THSD7A: variants seen among roughly 807,000 people sequenced by gnomAD.
THSD7A encodes thrombospondin type-1 domain-containing protein 7A.
Under a neutral mutation model 231.3 loss-of-function variants are expected in THSD7A, and 96 were observed. That is an observed-to-expected ratio of 0.41 (90% CI 0.35 to 0.49). THSD7A has a LOEUF of 0.49. Ranked by LOEUF, THSD7A falls within the 20% of genes least tolerant of loss-of-function variation. THSD7A has a pLI of 0.05. For missense variants in THSD7A, 2,290 were observed against 2,070.2 expected, an observed-to-expected ratio of 1.11 and a Z score of -2.06; for synonymous variants, 940 against 743.3, an observed-to-expected ratio of 1.26 and a Z score of -4.30.
intron 1 of THSD7A, among the ~76,000 whole-genome samples, chr7:11,738,813 C>T (rs1046581383): frequency 6.6e-6 from 1 of 151,952 alleles, no homozygotes; most frequent in African/African-American, 2.4e-5. Flanking sequence ...AATGTCTTTT[C>T]CTCCAGAGCT....
At chr7:11,752,930 G>GTCAA (rs59311662) in intron 1 of THSD7A, among the ~76,000 whole-genome samples, 13 of 150,742 alleles carry the variant, frequency 8.6e-5, no homozygotes, top group African/African-American at 2.9e-4. Context: ...CCCTGTCTCA[G>GTCAA]TCAATCAATC....
intron 23 of THSD7A, among the ~76,000 whole-genome samples, chr7:11,391,595 A>G (rs1329596721): frequency 7.7e-6 from 1 of 129,556 alleles, no homozygotes; most frequent in Non-Finnish European, 1.5e-5. Flanking sequence ...TTTCCAGGGC[A>G]GTGAATGGTT....
At chr7:11,655,746 C>A (rs1264063175) in intron 1 of THSD7A, among the ~76,000 whole-genome samples, 1 of 151,838 alleles carries the variant, frequency 6.6e-6, no homozygotes, top group Non-Finnish European at 1.5e-5. Context: ...TATGGTAAGT[C>A]TCACTCCAAA....
chr7:11,774,668 TATAACTCAATAAA>T (rs1317374743), intron 1 of THSD7A, among the ~76,000 whole-genome samples: 4 of 152,228 alleles, frequency 2.6e-5, no homozygotes, highest in African/African-American at 9.6e-5. Context: ...GTATGTCAAT[TATAACTCAATAAA>T]GTTGTTAAAA....
At chr7:11,439,615 G>A (rs1359611697) in intron 13 of THSD7A, among the ~76,000 whole-genome samples, 1 of 151,998 alleles carries the variant, frequency 6.6e-6, no homozygotes, top group Non-Finnish European at 1.5e-5. Flanking sequence ...TATTGCTGAT[G>A]TGCACAAAGT....
chr7:11,395,144 C>CA (rs56112219), intron 23 of THSD7A, among the ~76,000 whole-genome samples: 5,414 of 124,864 alleles, frequency 0.043, 198 homozygotes, highest in Admixed American at 0.099. Flanking sequence ...AAATGGAAAG[C>CA]AAAAAAAAAA....
intron 24 of THSD7A, 72 bp from the exon 25 acceptor site, chr7:11,379,784 C>G: frequency 6.8e-7 from 1 of 1,460,618 alleles, no homozygotes; most frequent in Non-Finnish European, 9.4e-7. Flanking sequence ...TGGTTAGTGA[C>G]TTGTCTTTGA....
intron 6 of THSD7A, among the ~76,000 whole-genome samples, chr7:11,526,756 C>T (rs936550376): frequency 6.6e-6 from 1 of 152,154 alleles, no homozygotes; most frequent in Non-Finnish European, 1.5e-5. Context: ...CCTTTGCCTT[C>T]CACCATGATT....
At chr7:11,599,068 C>G (rs1372828766) in intron 2 of THSD7A, among the ~76,000 whole-genome samples, 1 of 152,046 alleles carries the variant, frequency 6.6e-6, no homozygotes. Context: ...ACAGGAGATC[C>G]ATTAGGGCGT....
At chr7:11,413,087 A>G (rs1442796743) in intron 17 of THSD7A, among the ~76,000 whole-genome samples, 1 of 151,670 alleles carries the variant, frequency 6.6e-6, no homozygotes, top group Non-Finnish European at 1.5e-5. Flanking sequence ...TTATTATGCT[A>G]TTATATATAT....
chr7:11,389,255 T>A (rs1782883471), intron 23 of THSD7A, among the ~76,000 whole-genome samples: 1 of 152,088 alleles, frequency 6.6e-6, no homozygotes, highest in African/African-American at 2.4e-5. Flanking sequence ...CTCTAAGAAC[T>A]TGCTTTATGA....
rs572001771 is a variant in THSD7A, at chr7:11,456,253, G to A, written c.2605+4409C>T. On this transcript the variant is annotated intron_variant, in intron 11 of 27. Coordinates refer to ENST00000423059, the MANE Select transcript of THSD7A (RefSeq NM_015204.3). ...ATGTTCTAGACAAGGGAATTTTGAA[G>A]GCTGGAATGTTTTTCTCTCTTGTCT... Among the ~76,000 whole-genome samples, 180 of 152,028 alleles carry A rather than the reference G, an allele frequency of 1.2e-3. 1 individual carries two copies. In the Middle Eastern group the frequency reaches 0.024, roughly 20 times the overall value.
intron 1 of THSD7A, among the ~76,000 whole-genome samples, chr7:11,720,478 C>G (rs967197146): frequency 1.3e-5 from 2 of 151,726 alleles, no homozygotes; most frequent in South Asian, 2.1e-4. Context: ...GGCTCCTTTC[C>G]ATCAGCCTTT....
chr7:11,484,678 T>C (rs1047124473), intron 6 of THSD7A, among the ~76,000 whole-genome samples: 1 of 152,044 alleles, frequency 6.6e-6, no homozygotes, highest in African/African-American at 2.4e-5. Flanking sequence ...GTTAAATAAA[T>C]ACATAAATTT....
At chr7:11,519,276 T>A (rs2128315649) in intron 6 of THSD7A, among the ~76,000 whole-genome samples, 1 of 152,250 alleles carries the variant, frequency 6.6e-6, no homozygotes, top group East Asian at 1.9e-4. Context: ...TCACAACCCT[T>A]CTATTTCCCC....
intron 4 of THSD7A, among the ~76,000 whole-genome samples, chr7:11,558,154 G>C (rs1033237189): frequency 1.3e-5 from 2 of 152,070 alleles, no homozygotes; most frequent in Non-Finnish European, 2.9e-5. Context: ...AAAACCAAGG[G>C]AACTAATCAC....
chr7:11,593,168 T>C, intron 3 of THSD7A, 86 bp downstream of exon 3: 1 of 1,497,654 alleles, frequency 6.7e-7, no homozygotes, highest in South Asian at 1.3e-5. Flanking sequence ...TAAAAATTAC[T>C]GTTGCTTAGA....
chr7:11,636,561 C>A lies in THSD7A; in HGVS notation c.591G>T (p.Val197=), dbSNP rs1419236042. 1 of 1,613,978 alleles carries A rather than the reference C, an allele frequency of 6.2e-7. No individual in the cohort carries two copies. The highest frequency in any genetic ancestry group is 1.1e-5 in the South Asian group (1 of 91,084). Reference sequence around the variant, plus strand: ...ATTCGGACCAGGCAGAAAATTCAGACACGATGCAATCTTGCTGGCAAGGAA... The same window carrying A: ...ATTCGGACCAGGCAGAAAATTCAGAAACGATGCAATCTTGCTGGCAAGGAA... ...CLIPCQQDCI[V]SEFSAWSECS... is the part of the protein sequence containing the mutation. Residue 197 remains valine (V), a synonymous_variant, in exon 2 of 28, where the codon GTG becomes GTT. Transcript: ENST00000423059. This position sits in a 1 kb window ranked among gnomAD's most constrained non-coding sequence, Gnocchi z 10.0.
intron 4 of THSD7A, among the ~76,000 whole-genome samples, chr7:11,550,527 G>T (rs1371188626): frequency 1.3e-5 from 2 of 152,110 alleles, no homozygotes; most frequent in Non-Finnish European, 2.9e-5. Flanking sequence ...AATATCTGGT[G>T]GTTTCGAAGT....
Sources: gnomAD v4.1 joint callset for allele counts (sites outside exome capture counted in the v4.1 genomes callset) on GRCh38, gnomAD v4.1.1 for gene constraint, Gnocchi (gnomAD v3.1) non-coding constraint, MANE v1.5 for transcripts, NCBI Gene and HGNC (gene_info 2026-07-23, HGNC 2026-07-21) for gene names.